The following GRAMD4 variants were observed in gnomAD, a reference collection of about 807,000 sequenced individuals.
GRAMD4 encodes the protein GRAM domain containing 4.
In GRAMD4, 25 loss-of-function variants were observed where a neutral mutation model predicts 83.9. The observed-to-expected ratio is 0.30, with a 90% CI of 0.22 to 0.42. GRAMD4 has a LOEUF of 0.42. GRAMD4 is among the 10% of genes least tolerant of loss of function. GRAMD4 has a pLI of 1.00. For missense variants in GRAMD4, 593 were observed against 788.7 expected (o/e 0.75, Z 2.97); for synonymous variants, 336 against 320.9 (o/e 1.05, Z -0.50).
chr22:46,645,118 C>T (rs987877358), intron 3 of GRAMD4, among the ~76,000 whole-genome samples: 4 of 151,756 alleles, frequency 2.6e-5, no homozygotes, highest in South Asian at 2.1e-4. Flanking sequence ...GATAGTTCTT[C>T]GCAGGCTGTC....
At chr22:46,616,017 T>A (rs2081483550), upstream of GRAMD4, among the ~76,000 whole-genome samples, 1 of 114,452 alleles carries the variant, frequency 8.7e-6, no homozygotes, top group Non-Finnish European at 1.8e-5. Flanking sequence ...GGTTCTGCTG[T>A]GCGTGTTGGT....
At chr22:46,614,018 G>A (rs138499) in intron 1 of GRAMD4, among the ~76,000 whole-genome samples, 73,918 of 152,118 alleles carry the variant, frequency 0.49, 19,186 homozygotes, top group Non-Finnish European at 0.6. Flanking sequence ...CGGCTCACGC[G>A]GGTTCCCAGG....
At chr22:46,623,800 T>A (rs76912793) in intron 1 of GRAMD4, among the ~76,000 whole-genome samples, 2 of 148,982 alleles carry the variant, frequency 1.3e-5, no homozygotes, top group Non-Finnish European at 3.0e-5. Context: ...TTTTTTTTTT[T>A]AAACAGAGTC....
chr22:46,585,280 T>G (rs1267585168), intron 1 of GRAMD4, among the ~76,000 whole-genome samples: 1 of 151,082 alleles, frequency 6.6e-6, no homozygotes, highest in Non-Finnish European at 1.5e-5. Context: ...AACCTCCACC[T>G]CCCAGGTTCA....
intron 1 of GRAMD4, among the ~76,000 whole-genome samples, chr22:46,607,948 C>A (rs1022704981): frequency 1.3e-5 from 2 of 152,210 alleles, no homozygotes; most frequent in Non-Finnish European, 2.9e-5. Context: ...GCTGCCCCCC[C>A]AGGGGCCGTG....
At position 46,677,377 on chromosome 22, in the gene GRAMD4, C is replaced by G; in HGVS notation, c.*126C>G. On this transcript the variant is annotated 3_prime_UTR_variant, in exon 19 of 19. Transcript: ENST00000406902. ...AGCTTTTGCAATAATTCTCCTGGAC[C>G]TGTGGTTCTATTGTGTTGACCTCTG... 6.9e-7 allele frequency: 1 copy of G among 1,440,306 alleles called. No homozygotes were observed. The highest frequency in any genetic ancestry group is 9.1e-7 in the Non-Finnish European group (1 of 1,100,924). 89.2% of individuals were successfully genotyped at this position (1,440,306 alleles called of 1,614,324 possible).
intron 1 of GRAMD4, among the ~76,000 whole-genome samples, chr22:46,588,475 C>T (rs1179962347): frequency 6.6e-6 from 1 of 152,182 alleles, no homozygotes; most frequent in Non-Finnish European, 1.5e-5. Flanking sequence ...TTGGTATCTG[C>T]GGAGTGGGTC....
At chr22:46,644,487 C>T (rs984185744) in intron 3 of GRAMD4, among the ~76,000 whole-genome samples, 11 of 151,538 alleles carry the variant, frequency 7.3e-5, no homozygotes, top group Non-Finnish European at 1.6e-4. Flanking sequence ...GCAGGTTACA[C>T]CTGTCCCTGT....
Position 46,621,449 on chromosome 22 carries a change from A to T in GRAMD4, c.-50+884A>T, listed in dbSNP as rs934098283. On this transcript the variant is annotated intron_variant, in intron 1 of 18. Transcript: ENST00000406902. This position sits in a 1 kb window ranked among gnomAD's most constrained non-coding sequence, Gnocchi z 5.8. ...GGCTGCCCATGTGGCCGTGGAGGGC[A>T]CCCCTACCCCGGTGCAGGCGCAGGC... 1.3e-4 allele frequency among the ~76,000 whole-genome samples: 19 copies of T among 151,736 alleles called. No individual in the cohort carries two copies. Among genetic ancestry groups the T allele is most frequent in the African/African-American group, 3.9e-4 (16 of 41,252 alleles).
chr22:46,591,920 CAG>C (rs2081213885), intron 1 of GRAMD4, among the ~76,000 whole-genome samples: 1 of 111,168 alleles, frequency 9.0e-6, no homozygotes, highest in African/African-American at 4.7e-5. Context: ...CAGGGACAGT[CAG>C]AAAGCATCTG....
chr22:46,579,413 T>C (rs73888566), intron 1 of GRAMD4, among the ~76,000 whole-genome samples: 34 of 152,280 alleles, frequency 2.2e-4, no homozygotes, highest in Non-Finnish European at 3.4e-4. Context: ...TAGAATAGAA[T>C]AGTGGTTCAG....
chr22:46,662,108 G>A (rs767002381), intron 5 of GRAMD4, among the ~76,000 whole-genome samples: 6 of 152,212 alleles, frequency 3.9e-5, no homozygotes, highest in African/African-American at 9.7e-5. Context: ...GTTCACTTAC[G>A]GCTGGGACGA....
At chr22:46,579,677 A>C (rs983175715) in intron 1 of GRAMD4, among the ~76,000 whole-genome samples, 2 of 152,100 alleles carry the variant, frequency 1.3e-5, no homozygotes, top group African/African-American at 4.8e-5. Context: ...CCTGGGGGCC[A>C]CATGAAGCCC....
intron 2 of GRAMD4, among the ~76,000 whole-genome samples, chr22:46,635,892 C>T (rs886317156): frequency 4.0e-5 from 6 of 151,454 alleles, no homozygotes; most frequent in Non-Finnish European, 8.8e-5. Flanking sequence ...AAGAAGAGGA[C>T]TGGAGAGAAA....
downstream of GRAMD4, among the ~76,000 whole-genome samples, chr22:46,680,601 C>CATCCATCCATCCGTCCTT (rs2082659487): frequency 5.0e-5 from 6 of 120,714 alleles, no homozygotes; most frequent in African/African-American, 1.3e-4. Flanking sequence ...CATCCACCCA[C>CATCCATCCATCCGTCCTT]CCATTCATCC....
At chr22:46,591,747 C>T (rs117156794) in intron 1 of GRAMD4, among the ~76,000 whole-genome samples, 3,929 of 142,258 alleles carry the variant, frequency 0.028, 70 homozygotes, top group Middle Eastern at 0.057. Flanking sequence ...GCACGAGAAT[C>T]GTTTGAACTC....
chr22:46,577,419 G>GCCGCC, intron 1 of GRAMD4: 18 of 50,820 alleles, frequency 3.5e-4, no homozygotes, highest in African/African-American at 5.0e-4. Flanking sequence ...CCGCCGCCCG[G>GCCGCC]GCCCGAGCCG....
chr22:46,583,659 G>T (rs1281142643), intron 1 of GRAMD4, among the ~76,000 whole-genome samples: 2 of 152,246 alleles, frequency 1.3e-5, no homozygotes, highest in African/African-American at 4.8e-5. Context: ...TATTTCTCAT[G>T]GTGCGACTGG....
intron 1 of GRAMD4, among the ~76,000 whole-genome samples, chr22:46,585,251 C>T (rs1035805985): frequency 2.0e-5 from 3 of 150,342 alleles, no homozygotes; most frequent in Admixed American, 6.6e-5. Flanking sequence ...AGTGCAATGG[C>T]GTGATCGTGG....
Sources: allele counts gnomAD v4.1 joint callset (sites outside exome capture counted in the v4.1 genomes callset), GRCh38; gene constraint gnomAD v4.1.1; non-coding constraint Gnocchi (gnomAD v3.1); transcripts MANE v1.5; gene names NCBI Gene and HGNC (gene_info 2026-07-23, HGNC 2026-07-21).